Variants in SGPL1 observed in about 807,000 individuals in gnomAD.
SGPL1 encodes the protein SP-lyase 1.
A neutral mutation model predicts 68.9 loss-of-function variants in SGPL1; 37 were observed. That is an observed-to-expected ratio of 0.54 (90% CI 0.41 to 0.71). The LOEUF is 0.71. SGPL1 is among the 30% of genes least tolerant of loss of function. SGPL1 has a pLI of 0.00. For synonymous variants in SGPL1, 236 were observed against 248.5 expected (o/e 0.95, Z 0.47); for missense variants, 551 against 704.6 (o/e 0.78, Z 2.47).
intron 12 of SGPL1, among the ~76,000 whole-genome samples, chr10:70,874,759 CAT>C (rs1246145450): frequency 6.6e-6 from 1 of 151,980 alleles, no homozygotes; most frequent in Non-Finnish European, 1.5e-5. Flanking sequence ...AAATTAGCCA[CAT>C]GTGGTGGTGT....
intron 2 of SGPL1, among the ~76,000 whole-genome samples, chr10:70,839,728 C>T (rs1222067413): frequency 6.6e-6 from 1 of 151,916 alleles, no homozygotes; most frequent in Admixed American, 6.6e-5. Context: ...CAAAAAAGTA[C>T]TGTTATAAGT....
chr10:70,868,394 G>C lies in SGPL1; in HGVS notation c.665G>C (p.Arg222Pro), dbSNP rs769259446. Residue 222 changes from arginine to proline, a missense_variant, in exon 8 of 15, where the codon CGG (arginine) becomes CCG (proline). By Grantham distance (103) the Arg-to-Pro change is moderately radical. Transcript: ENST00000373202. ...ESILMACKAY[R>P]DLAFEKGIKT... ...ATACTGATGGCCTGCAAAGCATATC[G>C]GGATCTGGCCTTTGAGAAGGGGATC... is the stretch of plus-strand genomic sequence containing the variant. The C allele has an allele frequency of 1.2e-6, 2 of 1,613,776 alleles. No individual in the cohort carries two copies. The highest frequency in any genetic ancestry group is 3.3e-5 in the Admixed American group (2 of 59,994).
intron 4 of SGPL1, among the ~76,000 whole-genome samples, chr10:70,853,499 A>AT (rs1044105287): frequency 2.6e-5 from 4 of 151,712 alleles, no homozygotes; most frequent in Non-Finnish European, 4.4e-5. Context: ...TTACTCTGCT[A>AT]TTTTTTTTCC....
At chr10:70,842,105 T>G (rs1845725790) in intron 2 of SGPL1, among the ~76,000 whole-genome samples, 1 of 151,930 alleles carries the variant, frequency 6.6e-6, no homozygotes, top group Non-Finnish European at 1.5e-5. Context: ...AGATCTGTCT[T>G]CTTCTTAATG....
chr10:70,829,676 A>G (rs1201305770), intron 2 of SGPL1, among the ~76,000 whole-genome samples: 6 of 152,116 alleles, frequency 3.9e-5, no homozygotes, highest in Non-Finnish European at 1.5e-5. Context: ...TGTGCCACAC[A>G]TCACACAGCT....
rs557429655 is a variant in SGPL1, at chr10:70,872,084, T to C, written c.1059+98T>C. 284 of 1,222,676 alleles carry C rather than the reference T, an allele frequency of 2.3e-4. No homozygotes were observed. The African/African-American group carries it at 4.0e-3, about 17-fold the overall frequency. The allele number at this position is 1,222,676 out of a possible 1,614,324, so 75.7% of individuals were successfully genotyped here. On this transcript the variant is annotated intron_variant, in intron 11 of 14. Coordinates refer to ENST00000373202, the MANE Select transcript of SGPL1 (RefSeq NM_003901.4). ...TCCCCGCAAAGTATAAAATTAACTA[T>C]AGAATTCTCATCAGATGCTTGTTTT...
rs544257653 is a variant in SGPL1 at position 70,826,402 on chromosome 10, G to A, written c.27+9522G>A. On this transcript the variant is annotated intron_variant, in intron 2 of 14. Transcript: ENST00000373202. ...CTATCAGTAGTGCATCCCCTCCTGG[G>A]CCAGGGTAGCTGCCTGGGGTTCTAC... Among the ~76,000 whole-genome samples the A allele has an allele frequency of 2.6e-5, 4 of 152,280 alleles. No homozygotes were observed. The South Asian group carries it at 8.3e-4, about 32-fold the overall frequency.
intron 2 of SGPL1, among the ~76,000 whole-genome samples, chr10:70,833,840 G>T (rs1003094787): frequency 6.6e-6 from 1 of 152,062 alleles, no homozygotes; most frequent in African/African-American, 2.4e-5. Flanking sequence ...TGGTCCTTCT[G>T]GAAAAAGTAT....
At chr10:70,868,035 A>T (rs186187870) in intron 7 of SGPL1, among the ~76,000 whole-genome samples, 34 of 152,376 alleles carry the variant, frequency 2.2e-4, no homozygotes, top group African/African-American at 7.2e-4. Context: ...GCCCTATCTT[A>T]TCTGAAAATT....
At position 70,878,165 on chromosome 10, in the gene SGPL1, C is replaced by T. The variant is rs1846432226; in HGVS notation, c.*830C>T. On this transcript the variant is annotated 3_prime_UTR_variant, in exon 15 of 15. Coordinates refer to ENST00000373202, the MANE Select transcript of SGPL1 (RefSeq NM_003901.4). The stretch of plus-strand genomic sequence containing the variant: ...GTAGGTTCATTGTCTGTCTTAGAGT[C>T]ACTTCTATTGCAACTCATTTTCTTT... 1.3e-5 allele frequency: 2 copies of T among 152,222 alleles called. No homozygotes were observed. Among genetic ancestry groups the T allele is most frequent in the African/African-American group, 4.8e-5 (2 of 41,422 alleles). 9.4% of individuals were successfully genotyped at this position (152,222 alleles called of 1,614,324 possible). A position where few individuals can be genotyped will look rare whatever the true frequency, so the allele number is the denominator to read the frequency against.
intron 2 of SGPL1, among the ~76,000 whole-genome samples, chr10:70,843,175 C>T (rs1845742718): frequency 6.6e-6 from 1 of 152,206 alleles, no homozygotes; most frequent in Admixed American, 6.5e-5. Flanking sequence ...AGTCCTTCCT[C>T]AGTGCTCCAT....
At chr10:70,872,334 G>T (rs1220533034) in intron 11 of SGPL1, among the ~76,000 whole-genome samples, 1 of 152,214 alleles carries the variant, frequency 6.6e-6, no homozygotes, top group African/African-American at 2.4e-5. Context: ...GTAGAGGAGT[G>T]TGAGGGTTGG....
Position 70,819,356 on chromosome 10 carries a change from C to CAACT in SGPL1, c.27+2476_27+2477insAACT, listed in dbSNP as rs575361842. On this transcript the variant is annotated intron_variant, in intron 2 of 14. Transcript: ENST00000373202. ...GACAACATACATGTTGCATGAAGTG[C>CAACT]TTTCACTGGAAAAGTTGTCATTCAT... Among the ~76,000 whole-genome samples, 20 of 152,290 alleles carry CAACT rather than the reference C, an allele frequency of 1.3e-4. No individual in the cohort carries two copies. In the East Asian group the frequency reaches 3.9e-3, roughly 29 times the overall value.
rs1358033058 is a variant in SGPL1 at position 70,844,647 on chromosome 10, G to A, written c.193+9G>A. 6 of 1,612,756 alleles carry A rather than the reference G, an allele frequency of 3.7e-6. No homozygotes were observed. The highest frequency in any genetic ancestry group is 2.7e-5 in the African/African-American group (2 of 74,908). On this transcript the variant is annotated intron_variant, in intron 3 of 14. Coordinates refer to ENST00000373202, the MANE Select transcript of SGPL1 (RefSeq NM_003901.4). ...TGTCTTCCAGCCAGAGAGTAAGTATGCTGTCTCCTCTGTAAAGGTATAGTG... is the reference window on the plus strand; with the variant it reads ...TGTCTTCCAGCCAGAGAGTAAGTATACTGTCTCCTCTGTAAAGGTATAGTG...
chr10:70,826,321 C>T (rs997475069), intron 2 of SGPL1, among the ~76,000 whole-genome samples: 2 of 152,160 alleles, frequency 1.3e-5, no homozygotes, highest in African/African-American at 4.8e-5. Context: ...CATTCCATGC[C>T]GATAAGGCCA....
At chr10:70,871,490 C>G (rs946573421) in intron 10 of SGPL1, among the ~76,000 whole-genome samples, 2 of 152,210 alleles carry the variant, frequency 1.3e-5, no homozygotes, top group Non-Finnish European at 2.9e-5. Flanking sequence ...GCCTCCCTTT[C>G]CCTCACGCCT....
chr10:70,851,011 A>C (rs866502601), intron 3 of SGPL1, 132 bp from the exon 4 acceptor site: 1 of 690,422 alleles, frequency 1.4e-6, no homozygotes. Flanking sequence ...AGTTTTTTTA[A>C]AATTTTTTAA....
In SGPL1 at chr10:70,879,377, TTATGTG is replaced by T. The variant is rs1219556151; in HGVS notation, c.*2044_*2049del. ...ACGCCATTCAGGGCTGGTGTGGCAT[TTATGTG>T]TGTGTGTGTGTGTGTGTGTGTTTTT... On this transcript the variant is annotated 3_prime_UTR_variant, in exon 15 of 15. Transcript: ENST00000373202. 2 of 54,380 alleles carry T rather than the reference TTATGTG, an allele frequency of 3.7e-5. No individual in the cohort carries two copies. The highest frequency in any genetic ancestry group is 6.7e-4 in the East Asian group (1 of 1,498). The allele number at this position is 54,380 out of a possible 1,614,324, so 3.4% of individuals were successfully genotyped here. A position where few individuals can be genotyped will look rare whatever the true frequency, so the allele number is the denominator to read the frequency against.
At chr10:70,843,853 A>G (rs1370458974) in intron 2 of SGPL1, among the ~76,000 whole-genome samples, 1 of 152,228 alleles carries the variant, frequency 6.6e-6, no homozygotes, top group African/African-American at 2.4e-5. Flanking sequence ...AAAATTGTTA[A>G]AGAATATTTT....
Sources: allele counts gnomAD v4.1 joint callset (sites outside exome capture counted in the v4.1 genomes callset), GRCh38; gene constraint gnomAD v4.1.1; transcripts MANE v1.5; gene names NCBI Gene and HGNC (gene_info 2026-07-23, HGNC 2026-07-21).